The following TRAPPC9 variants were observed in gnomAD, a reference collection of about 807,000 sequenced individuals.
TRAPPC9 encodes IKK2 binding protein.
TRAPPC9 carries 83 observed loss-of-function variants against 124.0 expected under a neutral mutation model. The observed-to-expected ratio is 0.67, with a 90% CI of 0.56 to 0.80. The LOEUF (loss-of-function observed/expected upper bound fraction) is 0.80, where lower values mean the gene tolerates loss of function less well. TRAPPC9 is among the 30% of genes least tolerant of loss of function. TRAPPC9 has a pLI of 0.00. For synonymous variants in TRAPPC9, 638 were observed against 617.5 expected (o/e 1.03, Z -0.49); for missense variants, 1,302 against 1,508.3 (o/e 0.86, Z 2.27).
At position 139,825,762 on chromosome 8, in the gene TRAPPC9, A is replaced by T. The variant is rs1825581195; in HGVS notation, c.3055+60117T>A. On this transcript the variant is annotated intron_variant, in intron 21 of 22. Coordinates refer to ENST00000438773, the MANE Select transcript of TRAPPC9 (RefSeq NM_001160372.4). The surrounding 1 kb of genome is among the most constrained non-coding windows in gnomAD (Gnocchi z 4.6). ...CTTGCCCGGAAGGAAAAAGGGAGGCAATTCCGAAGAGCAGACGAGCCTCCG... is the reference window on the plus strand; with the variant it reads ...CTTGCCCGGAAGGAAAAAGGGAGGCTATTCCGAAGAGCAGACGAGCCTCCG... Among the ~76,000 whole-genome samples, 1 of 152,034 alleles carries T rather than the reference A, an allele frequency of 6.6e-6. No individual in the cohort carries two copies. The highest frequency in any genetic ancestry group is 1.5e-5 in the Non-Finnish European group (1 of 68,004).
intron 21 of TRAPPC9, among the ~76,000 whole-genome samples, chr8:139,775,653 C>G (rs1398919237): frequency 6.6e-6 from 1 of 152,202 alleles, no homozygotes; most frequent in Non-Finnish European, 1.5e-5. Flanking sequence ...CTGGCCTCAC[C>G]AGGTGTGAGC....
At chr8:140,029,549 C>T (rs1048021191) in intron 17 of TRAPPC9, among the ~76,000 whole-genome samples, 18 of 151,954 alleles carry the variant, frequency 1.2e-4, no homozygotes, top group African/African-American at 4.1e-4. Context: ...TAAGAATGTA[C>T]TCCCACATTT....
At chr8:139,862,180 C>G (rs1440594938) in intron 21 of TRAPPC9, among the ~76,000 whole-genome samples, 1 of 152,262 alleles carries the variant, frequency 6.6e-6, no homozygotes, top group Non-Finnish European at 1.5e-5. Context: ...CTGGGAGACA[C>G]CGCCAGGGCA....
At chr8:140,296,927 G>A (rs951116481) in intron 11 of TRAPPC9, among the ~76,000 whole-genome samples, 2 of 152,256 alleles carry the variant, frequency 1.3e-5, no homozygotes, top group Admixed American at 1.3e-4. Flanking sequence ...CCAGGGGGAA[G>A]AGCCTGAGCA....
At chr8:139,751,793 T>G (rs999993410) in intron 21 of TRAPPC9, among the ~76,000 whole-genome samples, 1 of 149,878 alleles carries the variant, frequency 6.7e-6, no homozygotes, top group African/African-American at 2.5e-5. Flanking sequence ...GCTGCCCCTT[T>G]GATTTTATTG....
At position 139,775,830 on chromosome 8, in the gene TRAPPC9, C is replaced by A. The variant is rs541479267; in HGVS notation, c.3056-43628G>T. Among the ~76,000 whole-genome samples the A allele has an allele frequency of 5.9e-5, 9 of 152,376 alleles. 1 individual carries two copies. The South Asian group carries it at 1.9e-3, about 32-fold the overall frequency. On this transcript the variant is annotated intron_variant, in intron 21 of 22. Coordinates refer to ENST00000438773, the MANE Select transcript of TRAPPC9 (RefSeq NM_001160372.4). Reference sequence around the variant, plus strand: ...GAAGTGCTTGGCTCTCTGTGGCCATCTGTCCTTCCTGCCCAGTACCTGGGC... The same window carrying A: ...GAAGTGCTTGGCTCTCTGTGGCCATATGTCCTTCCTGCCCAGTACCTGGGC...
At chr8:140,277,628 G>C (rs563469900) in intron 14 of TRAPPC9, among the ~76,000 whole-genome samples, 1 of 152,366 alleles carries the variant, frequency 6.6e-6, no homozygotes, top group African/African-American at 2.4e-5. Context: ...CAGCATCCCA[G>C]TTGTCATGAG....
At chr8:139,878,632 G>C (rs1390874661) in intron 21 of TRAPPC9, among the ~76,000 whole-genome samples, 1 of 152,114 alleles carries the variant, frequency 6.6e-6, no homozygotes, top group Non-Finnish European at 1.5e-5. Context: ...AAGACCTCAC[G>C]CCTGGCCCAG....
chr8:140,173,194 A>G (rs2061999135), intron 17 of TRAPPC9, among the ~76,000 whole-genome samples: 2 of 152,238 alleles, frequency 1.3e-5, no homozygotes, highest in South Asian at 4.1e-4. Flanking sequence ...AAGAATTACC[A>G]GGAAGGAGAG....
At chr8:140,224,396 C>A (rs945530695) in intron 16 of TRAPPC9, among the ~76,000 whole-genome samples, 1 of 152,148 alleles carries the variant, frequency 6.6e-6, no homozygotes, top group African/African-American at 2.4e-5. Context: ...CCTAGAGGTG[C>A]CTGCAGATTT....
chr8:139,978,362 G>A (rs138985305), intron 19 of TRAPPC9, among the ~76,000 whole-genome samples: 3 of 152,350 alleles, frequency 2.0e-5, no homozygotes, highest in African/African-American at 7.2e-5. Flanking sequence ...ATAGGTCACT[G>A]AGACAACCGG....
chr8:140,332,943 C>T (rs941383345), intron 9 of TRAPPC9, among the ~76,000 whole-genome samples: 6 of 152,042 alleles, frequency 3.9e-5, no homozygotes, highest in African/African-American at 1.2e-4. Flanking sequence ...TGGTCAACAT[C>T]GTGAAACCCC....
intron 18 of TRAPPC9, among the ~76,000 whole-genome samples, chr8:140,022,379 AG>A: frequency 6.6e-6 from 1 of 152,216 alleles, no homozygotes; most frequent in Non-Finnish European, 1.5e-5. Context: ...AAAGGGAGCA[AG>A]GGCCACAGGC....
intron 18 of TRAPPC9, among the ~76,000 whole-genome samples, chr8:140,011,881 T>A (rs539157841): frequency 2.1e-4 from 32 of 152,118 alleles, no homozygotes; most frequent in Admixed American, 1.5e-3. Flanking sequence ...TTTCACCATG[T>A]TGGCCAGGCT....
chr8:139,979,679 AC>A (rs2131656250), intron 19 of TRAPPC9, among the ~76,000 whole-genome samples: 1 of 152,262 alleles, frequency 6.6e-6, no homozygotes, highest in East Asian at 1.9e-4. Context: ...GTGGAAAACA[AC>A]AAACCCCATC....
intron 2 of TRAPPC9, among the ~76,000 whole-genome samples, chr8:140,445,493 G>C (rs1041073071): frequency 6.6e-6 from 1 of 152,178 alleles, no homozygotes; most frequent in Non-Finnish European, 1.5e-5. Flanking sequence ...AGAGCACCTG[G>C]GTTGTGAACT....
chr8:140,250,529 C>T (rs914418302), intron 16 of TRAPPC9, among the ~76,000 whole-genome samples: 3 of 152,126 alleles, frequency 2.0e-5, no homozygotes, highest in Non-Finnish European at 4.4e-5. Context: ...GAGCCTCTGC[C>T]ACTGAGTTCA....
intron 21 of TRAPPC9, among the ~76,000 whole-genome samples, chr8:139,784,480 A>G (rs1822047103): frequency 6.6e-6 from 1 of 151,832 alleles, no homozygotes; most frequent in Non-Finnish European, 1.5e-5. Flanking sequence ...GGGCTGAGGC[A>G]GCAGAATGGC....
chr8:140,272,358 TGGTGGTAGTGAG>T (rs1207854832), intron 15 of TRAPPC9, among the ~76,000 whole-genome samples: 6 of 137,754 alleles, frequency 4.4e-5, no homozygotes, highest in Non-Finnish European at 7.7e-5. Context: ...GTGGAGAGAG[TGGTGGTAGTGAG>T]GGTGGTGGTG....
Sources: allele counts gnomAD v4.1 joint callset (sites outside exome capture counted in the v4.1 genomes callset), GRCh38; gene constraint gnomAD v4.1.1; non-coding constraint Gnocchi (gnomAD v3.1); transcripts MANE v1.5; gene names NCBI Gene and HGNC (gene_info 2026-07-23, HGNC 2026-07-21).